The following SNTG2 variants were observed in gnomAD, a reference collection of about 807,000 sequenced individuals.
The protein encoded by SNTG2 is syntrophin gamma 2.
In SNTG2, 74 loss-of-function variants were observed where a neutral mutation model predicts 70.9. The observed-to-expected ratio is 1.04, with a 90% confidence interval of 0.86 to 1.27. The LOEUF (loss-of-function observed/expected upper bound fraction) is 1.27, where lower values mean the gene tolerates loss of function less well. Among genes scored for constraint, SNTG2 ranks in the 50% most tolerant of loss-of-function variants. The pLI is 0.00. For missense variants in SNTG2, 717 were observed against 690.7 expected (o/e 1.04, Z -0.43); for synonymous variants, 278 against 273.8 (o/e 1.02, Z -0.15).
At chr2:957,458 G>GT (rs1348594927) in intron 1 of SNTG2, among the ~76,000 whole-genome samples, 1 of 152,054 alleles carries the variant, frequency 6.6e-6, no homozygotes, top group Admixed American at 6.6e-5. Flanking sequence ...CCTTACGTAC[G>GT]TGCAGACACA....
intron 15 of SNTG2, among the ~76,000 whole-genome samples, chr2:1,313,954 A>T (rs1346304536): frequency 2.0e-5 from 3 of 152,234 alleles, no homozygotes; most frequent in Admixed American, 1.3e-4. Context: ...GCAGTGCAAT[A>T]TCAATGGACC....
intron 1 of SNTG2, among the ~76,000 whole-genome samples, chr2:1,054,678 C>T (rs183024032): frequency 6.6e-6 from 1 of 152,286 alleles, no homozygotes; most frequent in East Asian, 1.9e-4. Context: ...CATAATTAAG[C>T]CCCATGCTAA....
chr2:964,438 C>G (rs1319442573), intron 1 of SNTG2, among the ~76,000 whole-genome samples: 1 of 152,162 alleles, frequency 6.6e-6, no homozygotes, highest in Non-Finnish European at 1.5e-5. Context: ...CATTTTACTT[C>G]CAGGAGAGCA....
intron 9 of SNTG2, among the ~76,000 whole-genome samples, chr2:1,237,534 C>T (rs1305721589): frequency 6.6e-6 from 1 of 152,156 alleles, no homozygotes; most frequent in African/African-American, 2.4e-5. Context: ...TGGGCTGCTC[C>T]AGCCTCACCC....
At chr2:992,937 C>A (rs1009821226) in intron 1 of SNTG2, among the ~76,000 whole-genome samples, 2 of 152,124 alleles carry the variant, frequency 1.3e-5, no homozygotes, top group Non-Finnish European at 2.9e-5. Context: ...AACCCCATGT[C>A]CATTAAGCAA....
At chr2:1,298,368 A>G (rs968170800) in intron 14 of SNTG2, among the ~76,000 whole-genome samples, 48 of 152,278 alleles carry the variant, frequency 3.2e-4, no homozygotes, top group Non-Finnish European at 5.3e-4. Context: ...TCCTGGGCTC[A>G]AGCGATCCAC....
At chr2:1,149,890 A>G (rs1014132061) in intron 6 of SNTG2, among the ~76,000 whole-genome samples, 6 of 151,176 alleles carry the variant, frequency 4.0e-5, no homozygotes, top group African/African-American at 1.2e-4. Context: ...GGGTTTCACC[A>G]TGTTAGCCAG....
At chr2:1,269,795 G>A (rs1465502200) in intron 14 of SNTG2, among the ~76,000 whole-genome samples, 7 of 152,178 alleles carry the variant, frequency 4.6e-5, no homozygotes, top group Non-Finnish European at 7.4e-5. Context: ...AATAATCCAG[G>A]ATTGAGATAA....
chr2:1,109,592 T>G (rs894446182), intron 4 of SNTG2, among the ~76,000 whole-genome samples: 3 of 152,210 alleles, frequency 2.0e-5, no homozygotes, highest in Non-Finnish European at 4.4e-5. Flanking sequence ...AACAAGGGCT[T>G]ATAAAGAGTC....
At chr2:1,136,232 CAT>C (rs1668374370) in intron 4 of SNTG2, among the ~76,000 whole-genome samples, 1 of 151,884 alleles carries the variant, frequency 6.6e-6, no homozygotes, top group Non-Finnish European at 1.5e-5. Context: ...ATAATCAATA[CAT>C]GTTTTCAGGA....
chr2:1,323,959 C>T (rs1049661385), intron 16 of SNTG2, among the ~76,000 whole-genome samples: 4 of 152,050 alleles, frequency 2.6e-5, no homozygotes, highest in Non-Finnish European at 4.4e-5. Flanking sequence ...CTGACAGTCA[C>T]ATGGCTAAGA....
intron 14 of SNTG2, among the ~76,000 whole-genome samples, chr2:1,299,430 C>T: frequency 6.6e-6 from 1 of 152,184 alleles, no homozygotes; most frequent in Non-Finnish European, 1.5e-5. Context: ...TCCTGCAGTC[C>T]CTGGCATTCC....
chr2:1,327,331 A>G (rs1210634123), intron 16 of SNTG2, among the ~76,000 whole-genome samples: 1 of 152,144 alleles, frequency 6.6e-6, no homozygotes, highest in Non-Finnish European at 1.5e-5. Flanking sequence ...CAAAATATAT[A>G]AGCTTAAACT....
At chr2:976,591 T>C (rs114013940) in intron 1 of SNTG2, among the ~76,000 whole-genome samples, 375 of 152,358 alleles carry the variant, frequency 2.5e-3, no homozygotes, top group African/African-American at 8.6e-3. Flanking sequence ...ACGGGGGCTC[T>C]GGTGCTCTTC....
intron 1 of SNTG2, among the ~76,000 whole-genome samples, chr2:1,055,356 A>G (rs1662325328): frequency 6.6e-6 from 1 of 152,208 alleles, no homozygotes; most frequent in African/African-American, 2.4e-5. Context: ...GCTGTTGCCT[A>G]GAGTGGGTAC....
intron 15 of SNTG2, among the ~76,000 whole-genome samples, chr2:1,313,432 C>T (rs570916756): frequency 1.3e-4 from 20 of 152,316 alleles, no homozygotes; most frequent in African/African-American, 4.6e-4. Flanking sequence ...TGCCCAACAG[C>T]GTCTCTGGAG....
intron 1 of SNTG2, among the ~76,000 whole-genome samples, chr2:978,528 G>T (rs1660988866): frequency 6.6e-6 from 1 of 152,020 alleles, no homozygotes; most frequent in Non-Finnish European, 1.5e-5. Context: ...TCCCTGTCTT[G>T]TTTTTAATTC....
intron 4 of SNTG2, among the ~76,000 whole-genome samples, chr2:1,105,027 A>G (rs1666024431): frequency 1.3e-5 from 2 of 152,312 alleles, no homozygotes; most frequent in African/African-American, 2.4e-5. Context: ...CCATCCACCC[A>G]CTGGAACCGG....
intron 14 of SNTG2, among the ~76,000 whole-genome samples, chr2:1,297,452 A>T (rs1418264636): frequency 6.6e-6 from 1 of 152,164 alleles, no homozygotes; most frequent in Non-Finnish European, 1.5e-5. Flanking sequence ...CCTGTCACTA[A>T]TAACATCTTG....
Sources: allele counts gnomAD v4.1 joint callset (sites outside exome capture counted in the v4.1 genomes callset), GRCh38; gene constraint gnomAD v4.1.1; transcripts MANE v1.5; gene names NCBI Gene and HGNC (gene_info 2026-07-23, HGNC 2026-07-21).